Variants in RBM4B observed in about 807,000 individuals in gnomAD.
RBM4B encodes the protein RNA-binding protein 4B.
RBM4B carries 13 observed loss-of-function variants against 28.5 expected under a neutral mutation model. The ratio of observed to expected loss-of-function variants is 0.46; its 90% CI spans 0.30 to 0.72. The LOEUF is 0.72. Among genes scored for constraint, RBM4B ranks in the 30% least tolerant of loss-of-function variants. RBM4B has a pLI of 0.09. For missense variants in RBM4B, 387 were observed against 477.6 expected, an observed-to-expected ratio of 0.81 and a Z score of 1.77; for synonymous variants, 167 against 179.1, an observed-to-expected ratio of 0.93 and a Z score of 0.54.
intron 2 of RBM4B, among the ~76,000 whole-genome samples, chr11:66,673,880 T>C (rs760083542): frequency 6.6e-6 from 1 of 152,192 alleles, no homozygotes; most frequent in Non-Finnish European, 1.5e-5. Flanking sequence ...TACTATCCAG[T>C]GCTAAGCTTG....
rs183939866 is a variant in RBM4B, at chr11:66,677,181, T to C, written c.-12-90A>G. 9 of 1,471,272 alleles carry C rather than the reference T, an allele frequency of 6.1e-6. No homozygotes were observed. In the East Asian group the frequency reaches 6.8e-5, roughly 11 times the overall value. 91.1% of individuals were successfully genotyped at this position (1,471,272 alleles called of 1,614,324 possible). A position where few individuals can be genotyped will look rare whatever the true frequency, so the allele number is the denominator to read the frequency against. ...ATTTTCGTCTAATCCTCCAAAGTTCTTGCACCTTCAAGACCCTCGTACAGA... is the reference window on the plus strand; with the variant it reads ...ATTTTCGTCTAATCCTCCAAAGTTCCTGCACCTTCAAGACCCTCGTACAGA... On this transcript the variant is annotated intron_variant, in intron 1 of 3. Transcript: ENST00000310046.
intron 2 of RBM4B, among the ~76,000 whole-genome samples, chr11:66,670,691 G>A (rs1939431994): frequency 6.6e-6 from 1 of 151,886 alleles, no homozygotes; most frequent in African/African-American, 2.4e-5. Context: ...GTAGCCAAAA[G>A]AAAATGCACG....
rs1331473906 is a variant in RBM4B, at chr11:66,668,749, C to T, written c.955G>A (p.Gly319Ser). Reference sequence around the variant, plus strand: ...TCACTCTCTGGCCCATAACCGTAGCCCTCTCCAACTGTGGGGAGCATGGCT... The same window carrying T: ...TCACTCTCTGGCCCATAACCGTAGCTCTCTCCAACTGTGGGGAGCATGGCT... ...AAAMLPTVGE[G>S]YGYGPESELS... The change falls in exon 3 of 4, where the codon GGC (glycine) becomes AGC (serine). Residue 319 changes from glycine (G) to serine (S), a missense_variant. This residue lies in a region of RBM4B where 226 missense variants were observed against 220.6 expected (regional missense o/e 1.02). Transcript: ENST00000310046. The T allele has an allele frequency of 6.2e-7, 1 of 1,614,174 alleles. No individual in the cohort carries two copies. Among genetic ancestry groups the T allele is most frequent in the East Asian group, 2.2e-5 (1 of 44,890 alleles).
Position 66,674,725 on chromosome 11 carries a change from G to A in RBM4B, c.412+1943C>T, listed in dbSNP as rs1283867649. On this transcript the variant is annotated intron_variant, in intron 2 of 3. Coordinates refer to ENST00000310046, the MANE Select transcript of RBM4B (RefSeq NM_031492.4). ...TGGGATTACAGGCACACACTACCAC[G>A]CCTTGCTAGTTTTCTTGTATTTTTA... 4.0e-5 allele frequency among the ~76,000 whole-genome samples: 6 copies of A among 151,708 alleles called. No homozygotes were observed. The South Asian group carries it at 1.2e-3, about 32-fold the overall frequency.
At chr11:66,674,686 G>A (rs1939587412) in intron 2 of RBM4B, among the ~76,000 whole-genome samples, 1 of 151,784 alleles carries the variant, frequency 6.6e-6, no homozygotes, top group Admixed American at 6.6e-5. Context: ...TCCTGTCTCA[G>A]CCTCCCGAGT....
At chr11:66,674,856 C>T (rs1357256858) in intron 2 of RBM4B, among the ~76,000 whole-genome samples, 1 of 152,192 alleles carries the variant, frequency 6.6e-6, no homozygotes, top group Non-Finnish European at 1.5e-5. Context: ...AGGTGTGAGG[C>T]ACCGCACCCT....
At chr11:66,665,654 T>A in intron 3 of RBM4B, 76 bp from the exon 4 acceptor site, 2 of 1,531,442 alleles carry the variant, frequency 1.3e-6, no homozygotes, top group South Asian at 2.4e-5. Context: ...GCGCCCTGGG[T>A]CCTGTCCTGT....
intron 3 of RBM4B, chr11:66,668,393 TTC>T (rs1939325825): frequency 4.1e-6 from 2 of 493,270 alleles, no homozygotes; most frequent in African/African-American, 1.9e-5. Context: ...GAATTTGTTG[TTC>T]TCTCAGAAGG....
Position 66,672,200 on chromosome 11 carries a change from A to G in RBM4B, c.413-2909T>C, listed in dbSNP as rs573391859. 5.7e-4 allele frequency among the ~76,000 whole-genome samples: 86 copies of G among 151,818 alleles called. 1 individual carries two copies. The highest frequency in any genetic ancestry group is 2.0e-3 in the African/African-American group (84 of 41,456). On this transcript the variant is annotated intron_variant, in intron 2 of 3. Coordinates refer to ENST00000310046, the MANE Select transcript of RBM4B (RefSeq NM_031492.4). Reference sequence around the variant, plus strand: ...GGTGAGCCAATCACCTGAGGCCAGAAGTTCGAGACCAGCCTGGCCAACATG... The same window carrying G: ...GGTGAGCCAATCACCTGAGGCCAGAGGTTCGAGACCAGCCTGGCCAACATG...
intron 2 of RBM4B, among the ~76,000 whole-genome samples, chr11:66,674,171 T>C (rs560987844): frequency 6.6e-6 from 1 of 151,346 alleles, no homozygotes; most frequent in Non-Finnish European, 1.5e-5. Context: ...TAACTGATTT[T>C]TTTTTCTTTT....
At chr11:66,670,937 T>A in intron 2 of RBM4B, 1 of 702,586 alleles carries the variant, frequency 1.4e-6, no homozygotes. Flanking sequence ...TTAACAGACC[T>A]TCTTCTGGAT....
intron 3 of RBM4B, 191 bp downstream of exon 3, chr11:66,668,424 A>G: frequency 1.8e-6 from 1 of 546,056 alleles, no homozygotes; most frequent in Non-Finnish European, 3.3e-6. Flanking sequence ...GGTTGGAGTC[A>G]TACACTAACA....
In RBM4B at chr11:66,669,248, A is replaced by AT; in HGVS notation, c.455_456insA (p.Ala153CysfsTer36). 1 of 1,614,142 alleles carries AT rather than the reference A, an allele frequency of 6.2e-7. No individual in the cohort carries two copies. Among genetic ancestry groups the AT allele is most frequent in the Non-Finnish European group, 8.5e-7 (1 of 1,179,998 alleles). On this transcript the variant is annotated frameshift_variant, in exon 3 of 4. Coordinates refer to ENST00000310046, the MANE Select transcript of RBM4B (RefSeq NM_031492.4). LOFTEE classifies it high-confidence loss of function. ...CACTCTGGTCTCCCATACCAGGGGC[A>AT]GTCCGAAGCCGGCTTGTGGACAACT...
rs892782151 is a variant in RBM4B, at chr11:66,677,844, G to C, written c.-93C>G. 1 of 152,682 alleles carries C rather than the reference G, an allele frequency of 6.5e-6. No individual in the cohort carries two copies. Among genetic ancestry groups the C allele is most frequent in the Admixed American group, 6.5e-5 (1 of 15,290 alleles). The allele number at this position is 152,682 out of a possible 1,614,324, so 9.5% of individuals were successfully genotyped here. A position where few individuals can be genotyped will look rare whatever the true frequency, so the allele number is the denominator to read the frequency against. ...GCGACGGCCGCTCGAGCCTGGACGCGACCGGGCCCTTTCTCGCGCGCCAGC... is the reference window on the plus strand; with the variant it reads ...GCGACGGCCGCTCGAGCCTGGACGCCACCGGGCCCTTTCTCGCGCGCCAGC... On this transcript the variant is annotated 5_prime_UTR_variant, in exon 1 of 4. Transcript: ENST00000310046.
intron 2 of RBM4B, among the ~76,000 whole-genome samples, chr11:66,675,118 G>A (rs1309316052): frequency 6.6e-6 from 1 of 152,168 alleles, no homozygotes; most frequent in East Asian, 1.9e-4. Context: ...TGTAAGAAAA[G>A]CAAACCAATA....
At chr11:66,667,683 T>C (rs1444902531) in intron 3 of RBM4B, 1 of 151,596 alleles carries the variant, frequency 6.6e-6, no homozygotes, top group Non-Finnish European at 1.5e-5. Context: ...CAAAGGACAA[T>C]GACCCAAGAA....
intron 2 of RBM4B, 143 bp downstream of exon 2, chr11:66,676,525 G>T: frequency 9.9e-7 from 1 of 1,013,308 alleles, no homozygotes; most frequent in Non-Finnish European, 1.4e-6. Flanking sequence ...GGTAAATTAT[G>T]CTTAAGAGCG....
chr11:66,676,586 A>T, intron 2 of RBM4B, 82 bp downstream of exon 2: 1 of 1,474,662 alleles, frequency 6.8e-7, no homozygotes. Context: ...GAGACCACCC[A>T]GCAAGTTCTA....
Position 66,669,186 on chromosome 11 carries a change from T to C in RBM4B, c.518A>G (p.Lys173Arg). The C allele has an allele frequency of 1.2e-6, 2 of 1,614,178 alleles. No individual in the cohort carries two copies. The highest frequency in any genetic ancestry group is 1.7e-6 in the Non-Finnish European group (2 of 1,180,024). Residue 173 changes from lysine (K) to arginine (R), a missense_variant, in exon 3 of 4, where the codon AAA becomes AGA. By Grantham distance (26) the Lys-to-Arg change is conservative. Transcript: ENST00000310046. Reference sequence around the variant, plus strand: ...ACCCGTACGATCTACTGGGCACTCTTTGGACCAGTGCCCTTCTTTCCCACA... The same window carrying C: ...ACCCGTACGATCTACTGGGCACTCTCTGGACCAGTGCCCTTCTTTCCCACA... ...YRCGKEGHWS[K>R]ECPVDRTGRV...
Sources: allele counts gnomAD v4.1 joint callset (sites outside exome capture counted in the v4.1 genomes callset), GRCh38; gene constraint gnomAD v4.1.1; regional missense constraint gnomAD v4.1.1; transcripts MANE v1.5; gene names NCBI Gene and HGNC (gene_info 2026-07-23, HGNC 2026-07-21).